The following GRK5 variants were observed in gnomAD, a reference collection of about 807,000 sequenced individuals.
GRK5 encodes g protein-coupled receptor kinase GRK5.
In GRK5, 40 loss-of-function variants were observed where a neutral mutation model predicts 78.4. The observed-to-expected ratio is 0.51, with a 90% CI of 0.40 to 0.66. GRK5 has a LOEUF of 0.66. Ranked by LOEUF, GRK5 falls within the 30% of genes least tolerant of loss-of-function variation. The pLI is 0.00. For synonymous variants in GRK5, 289 were observed against 296.8 expected, an observed-to-expected ratio of 0.97 and a Z score of 0.27; for missense variants, 598 against 759.9, an observed-to-expected ratio of 0.79 and a Z score of 2.50.
At chr10:119,339,064 C>T (rs771479046) in intron 2 of GRK5, among the ~76,000 whole-genome samples, 3 of 152,184 alleles carry the variant, frequency 2.0e-5, no homozygotes, top group Non-Finnish European at 2.9e-5. Flanking sequence ...TTTTCATTTC[C>T]AGCTTTGCAC....
At chr10:119,348,751 C>T (rs1028397958) in intron 2 of GRK5, among the ~76,000 whole-genome samples, 1 of 152,230 alleles carries the variant, frequency 6.6e-6, no homozygotes, top group Non-Finnish European at 1.5e-5. Flanking sequence ...CATGCTGAGG[C>T]GGGCCACCAG....
At chr10:119,410,540 C>T (rs1472296913) in intron 4 of GRK5, among the ~76,000 whole-genome samples, 1 of 152,178 alleles carries the variant, frequency 6.6e-6, no homozygotes, top group Non-Finnish European at 1.5e-5. Flanking sequence ...TGTGAAGGGG[C>T]TGGAACCACC....
chr10:119,317,061 T>C (rs554944918), intron 1 of GRK5, among the ~76,000 whole-genome samples: 57 of 152,240 alleles, frequency 3.7e-4, no homozygotes, highest in African/African-American at 1.4e-3. Flanking sequence ...AGACTACCTC[T>C]CAGGAACCAG....
At chr10:119,261,662 C>T (rs1006225452) in intron 1 of GRK5, among the ~76,000 whole-genome samples, 2 of 152,224 alleles carry the variant, frequency 1.3e-5, no homozygotes, top group African/African-American at 2.4e-5. Context: ...CTCGGGAGGC[C>T]GAGGCTGGCG....
At chr10:119,417,694 C>T (rs188067057) in intron 4 of GRK5, among the ~76,000 whole-genome samples, 5 of 152,100 alleles carry the variant, frequency 3.3e-5, no homozygotes, top group East Asian at 1.9e-4. Flanking sequence ...AGGCGACCTA[C>T]GCGGCATGAT....
intron 12 of GRK5, 53 bp from the exon 13 acceptor site, chr10:119,448,070 C>G: frequency 5.4e-6 from 8 of 1,484,250 alleles, no homozygotes; most frequent in South Asian, 1.4e-5. Context: ...GCAGGAGGTC[C>G]GGACAGGAGG....
intron 3 of GRK5, among the ~76,000 whole-genome samples, chr10:119,393,404 G>A (rs1851918903): frequency 6.6e-6 from 1 of 152,256 alleles, no homozygotes; most frequent in Non-Finnish European, 1.5e-5. Context: ...CCCACAGCAA[G>A]AGTATTTTTA....
chr10:119,360,466 A>G (rs1851342303), intron 2 of GRK5, among the ~76,000 whole-genome samples: 1 of 130,384 alleles, frequency 7.7e-6, no homozygotes, highest in Non-Finnish European at 1.5e-5. Flanking sequence ...GAGTGGGAGG[A>G]GTCTGTGTGA....
chr10:119,211,811 A>G (rs1221473416), intron 1 of GRK5: 1 of 152,288 alleles, frequency 6.6e-6, no homozygotes. Flanking sequence ...GGAGTGAGCC[A>G]GCATCCAGCT....
At chr10:119,212,483 TC>T (rs951919964) in intron 1 of GRK5, among the ~76,000 whole-genome samples, 1 of 152,206 alleles carries the variant, frequency 6.6e-6, no homozygotes, top group African/African-American at 2.4e-5. Flanking sequence ...GCTGAAGACT[TC>T]CAGAATGCCC....
At chr10:119,241,824 A>G (rs1195080345) in intron 1 of GRK5, among the ~76,000 whole-genome samples, 1 of 152,198 alleles carries the variant, frequency 6.6e-6, no homozygotes, top group Non-Finnish European at 1.5e-5. Context: ...AAGAGAAAAA[A>G]TGGATTTAAT....
At chr10:119,361,835 C>T (rs2133810442) in intron 2 of GRK5, among the ~76,000 whole-genome samples, 1 of 152,098 alleles carries the variant, frequency 6.6e-6, no homozygotes, top group African/African-American at 2.4e-5. Flanking sequence ...GTGGCGTGCA[C>T]CTGTAATTAC....
intron 1 of GRK5, among the ~76,000 whole-genome samples, chr10:119,226,342 A>G (rs1192843756): frequency 2.5e-5 from 3 of 118,546 alleles, no homozygotes; most frequent in African/African-American, 1.0e-4. Context: ...GATGAAGCCT[A>G]ACTCTGTCAC....
intron 3 of GRK5, among the ~76,000 whole-genome samples, chr10:119,385,917 C>G (rs1851786689): frequency 6.6e-6 from 1 of 151,580 alleles, no homozygotes; most frequent in Non-Finnish European, 1.5e-5. Context: ...GAGAGTCTTA[C>G]TCGGTCACCC....
At chr10:119,221,648 T>C (rs1421442486) in intron 1 of GRK5, among the ~76,000 whole-genome samples, 1 of 152,232 alleles carries the variant, frequency 6.6e-6, no homozygotes, top group African/African-American at 2.4e-5. Flanking sequence ...ACCCATGATA[T>C]ATTCATCTTT....
rs762552679 is a variant in GRK5 at position 119,455,037 on chromosome 10, T to C, written c.1743T>C (p.His581=). ...TTAACCACCACATAAACTCAAACCA[T>C]GTCAGCTCGAACTCCACCGGAAGCA... ...TSFNHHINSN[H]VSSNSTGSS is the part of the protein sequence containing the mutation. Residue 581 remains histidine, a synonymous_variant, in exon 16 of 16, where the codon CAT becomes CAC. Coordinates refer to ENST00000392870, the MANE Select transcript of GRK5 (RefSeq NM_005308.3). 3.1e-6 allele frequency: 5 copies of C among 1,614,010 alleles called. No homozygotes were observed. In the Admixed American group the frequency reaches 6.7e-5, roughly 22 times the overall value.
At chr10:119,441,498 G>T (rs1432339613) in intron 10 of GRK5, among the ~76,000 whole-genome samples, 2 of 152,232 alleles carry the variant, frequency 1.3e-5, no homozygotes, top group African/African-American at 4.8e-5. Context: ...GCTCTGCCAG[G>T]TCAGACCAGA....
chr10:119,448,648 A>G (rs1022619098), intron 13 of GRK5, among the ~76,000 whole-genome samples: 1 of 152,160 alleles, frequency 6.6e-6, no homozygotes, highest in African/African-American at 2.4e-5. Context: ...ATTGACGGCC[A>G]CTACATTCAG....
At chr10:119,230,774 T>C (rs762733456) in intron 1 of GRK5, among the ~76,000 whole-genome samples, 3 of 137,184 alleles carry the variant, frequency 2.2e-5, no homozygotes, top group Non-Finnish European at 4.5e-5. Flanking sequence ...GATGCTGCAG[T>C]GAGCTATAAT....
Sources: allele counts gnomAD v4.1 joint callset (sites outside exome capture counted in the v4.1 genomes callset), GRCh38; gene constraint gnomAD v4.1.1; transcripts MANE v1.5; gene names NCBI Gene and HGNC (gene_info 2026-07-23, HGNC 2026-07-21).